Variants in CCZ1B observed in about 807,000 individuals in gnomAD.
The protein encoded by CCZ1B is CCZ1B vacuolar protein trafficking and biogenesis associated.
A neutral mutation model predicts 58.8 loss-of-function variants in CCZ1B; 25 were observed. The ratio of observed to expected loss-of-function variants is 0.43; its 90% CI spans 0.31 to 0.59. CCZ1B has a LOEUF of 0.59. CCZ1B is among the 20% of genes least tolerant of loss of function. CCZ1B has a pLI of 0.12. For missense variants in CCZ1B, 180 were observed against 501.5 expected, an observed-to-expected ratio of 0.36 and a Z score of 6.12; for synonymous variants, 66 against 173.2, an observed-to-expected ratio of 0.38 and a Z score of 4.86.
At position 6,823,419 on chromosome 7, in the gene CCZ1B, A is replaced by G. The variant is rs1337974264; in HGVS notation, c.391-59T>C. The G allele has an allele frequency of 3.4e-5, 54 of 1,593,196 alleles. 2 individuals carry two copies. The South Asian group carries it at 3.9e-4, about 12-fold the overall frequency. On this transcript the variant is annotated intron_variant, in intron 4 of 14. Transcript: ENST00000316731. Reference sequence around the variant, plus strand: ...TCAAGGGAAAAACAATGTCTACTGGATAGATGGCAAAGGTACACTGACTCT... The same window carrying G: ...TCAAGGGAAAAACAATGTCTACTGGGTAGATGGCAAAGGTACACTGACTCT...
In CCZ1B at chr7:6,812,556, A is replaced by C. The variant is rs550608353; in HGVS notation, c.842+420T>G. 1.1e-3 allele frequency: 295 copies of C among 268,352 alleles called. 1 individual carries two copies. The highest frequency in any genetic ancestry group is 2.9e-3 in the South Asian group (68 of 23,096). 16.6% of individuals were successfully genotyped at this position (268,352 alleles called of 1,614,324 possible). A position where few individuals can be genotyped will look rare whatever the true frequency, so the allele number is the denominator to read the frequency against. Reference sequence around the variant, plus strand: ...AAGTAAGTTTTAACTCATTGGAAACAACAAACTTTCCTTTGTTGATTACTG... The same window carrying C: ...AAGTAAGTTTTAACTCATTGGAAACCACAAACTTTCCTTTGTTGATTACTG... On this transcript the variant is annotated intron_variant, in intron 9 of 14. Transcript: ENST00000316731.
chr7:6,823,965 T>C, intron 4 of CCZ1B, 124 bp downstream of exon 4: 1 of 606,090 alleles, frequency 1.6e-6, no homozygotes, highest in Non-Finnish European at 2.9e-6. Context: ...ACATAAACCT[T>C]TGCTATATAC....
intron 6 of CCZ1B, among the ~76,000 whole-genome samples, chr7:6,821,165 C>G (rs1338263024): frequency 6.7e-6 from 1 of 149,596 alleles, no homozygotes; most frequent in Non-Finnish European, 1.5e-5. Flanking sequence ...TGCGCCACCA[C>G]GCCCAGCTAG....
intron 12 of CCZ1B, among the ~76,000 whole-genome samples, chr7:6,801,755 T>C (rs1309463728): frequency 1.9e-5 from 1 of 51,598 alleles, no homozygotes; most frequent in Non-Finnish European, 3.7e-5. Flanking sequence ...TTTGTATTTT[T>C]AGTAGAGACG....
Position 6,819,304 on chromosome 7 carries a change from C to T in CCZ1B, c.698+462G>A, listed in dbSNP as rs13240765. The stretch of plus-strand genomic sequence containing the variant: ...AGGCTGGGGTACAGTGGTGCCATCT[C>T]GGCTCACTGCAACCTCCGCCTCCCG... On this transcript the variant is annotated intron_variant, in intron 7 of 14. Transcript: ENST00000316731. Among the ~76,000 whole-genome samples, 71 of 146,022 alleles carry T rather than the reference C, an allele frequency of 4.9e-4. 4 individuals are homozygous for T. The South Asian group carries it at 9.6e-3, about 20-fold the overall frequency.
chr7:6,819,674 G>A, intron 7 of CCZ1B, 92 bp downstream of exon 7: 3 of 706,506 alleles, frequency 4.2e-6, no homozygotes, highest in South Asian at 3.8e-5. Context: ...CCCGCTGCAA[G>A]TTCCTGTTTG....
chr7:6,808,128 A>C (rs1309881272), intron 10 of CCZ1B, among the ~76,000 whole-genome samples: 11 of 122,326 alleles, frequency 9.0e-5, no homozygotes, highest in Non-Finnish European at 3.5e-5. Context: ...CCAAGCCCGC[A>C]CAGCACCCGC....
chr7:6,812,135 A>T (rs1257098963), intron 9 of CCZ1B, 72 bp from the exon 10 acceptor site: 7 of 1,031,450 alleles, frequency 6.8e-6, no homozygotes, highest in Non-Finnish European at 1.0e-5. Context: ...AACAGAACAC[A>T]CTCCCACTTC....
Position 6,822,468 on chromosome 7 carries a change from A to C in CCZ1B, c.439-104T>G, listed in dbSNP as rs1224819457. 20 of 1,423,096 alleles carry C rather than the reference A, an allele frequency of 1.4e-5. 1 individual carries two copies. Among genetic ancestry groups the C allele is most frequent in the Non-Finnish European group, 1.9e-5 (20 of 1,069,528 alleles). 88.2% of individuals were successfully genotyped at this position (1,423,096 alleles called of 1,614,324 possible). ...TTTAGATTATTAATTCAGCTCATTA[A>C]ATCTCCCAGTTCTTTCCAACAGAGA... On this transcript the variant is annotated intron_variant, in intron 5 of 14. Transcript: ENST00000316731.
chr7:6,804,037 T>C (rs1210512121), intron 12 of CCZ1B, among the ~76,000 whole-genome samples: 1 of 150,020 alleles, frequency 6.7e-6, no homozygotes, highest in East Asian at 2.0e-4. Flanking sequence ...ACTTCTCAAA[T>C]GTGTAGAGAG....
In CCZ1B at chr7:6,809,483, G is replaced by C. The variant is rs145667997; in HGVS notation, c.954+2469C>G. ...CAGCCGACAGCATATTACACACCAGGGTTATGGAGATTTCAGTCATTACCT... is the reference window on the plus strand; with the variant it reads ...CAGCCGACAGCATATTACACACCAGCGTTATGGAGATTTCAGTCATTACCT... On this transcript the variant is annotated intron_variant, in intron 10 of 14. Transcript: ENST00000316731. Among the ~76,000 whole-genome samples the C allele has an allele frequency of 5.3e-3, 773 of 146,350 alleles. 64 individuals are homozygous for C. The highest frequency in any genetic ancestry group is 0.02 in the African/African-American group (732 of 37,378).
intron 10 of CCZ1B, among the ~76,000 whole-genome samples, chr7:6,810,343 G>C (rs1782900138): frequency 1.3e-5 from 2 of 149,100 alleles, no homozygotes; most frequent in South Asian, 2.1e-4. Context: ...ATCTGTGGTT[G>C]ACAGCTTGGC....
chr7:6,801,905 G>A (rs1215631403), intron 12 of CCZ1B, among the ~76,000 whole-genome samples: 1 of 119,610 alleles, frequency 8.4e-6, no homozygotes, highest in Non-Finnish European at 1.8e-5. Context: ...AAGTTTCACG[G>A]GAACCTCGCC....
chr7:6,808,384 C>CAAAAAACCAAA (rs1782864602), intron 10 of CCZ1B, among the ~76,000 whole-genome samples: 1 of 94,610 alleles, frequency 1.1e-5, no homozygotes, highest in Non-Finnish European at 2.2e-5. Context: ...ACCAAAAAAC[C>CAAAAAACCAAA]AAAAAAAAAA....
intron 3 of CCZ1B, 70 bp from the exon 4 acceptor site, chr7:6,824,236 A>G: frequency 1.3e-6 from 2 of 1,550,238 alleles, no homozygotes; most frequent in Non-Finnish European, 1.7e-6. Flanking sequence ...CTTAATTTAA[A>G]AACTTTGAAC....
At chr7:6,818,184 G>C (rs1479702592) in intron 7 of CCZ1B, among the ~76,000 whole-genome samples, 6 of 149,562 alleles carry the variant, frequency 4.0e-5, no homozygotes, top group Non-Finnish European at 7.4e-5. Flanking sequence ...AATTTTAGGG[G>C]AACTAGTTTT....
intron 8 of CCZ1B, 160 bp downstream of exon 8, chr7:6,814,604 G>C (rs1247628127): frequency 1.9e-6 from 1 of 514,510 alleles, no homozygotes; most frequent in Non-Finnish European, 3.4e-6. Flanking sequence ...AGCTGCATGT[G>C]GTTTTCTGTG....
At chr7:6,822,492 G>T in intron 5 of CCZ1B, 128 bp from the exon 6 acceptor site, 1 of 1,387,110 alleles carries the variant, frequency 7.2e-7, no homozygotes, top group Non-Finnish European at 9.5e-7. Context: ...TTCCAACAGA[G>T]AATATTTACG....
At chr7:6,825,011 AT>A (rs534762830) in intron 1 of CCZ1B, among the ~76,000 whole-genome samples, 30 of 150,272 alleles carry the variant, frequency 2.0e-4, no homozygotes, top group African/African-American at 7.2e-4. Context: ...TGATCTCATC[AT>A]TGTGCAAATA....
Sources: allele counts gnomAD v4.1 joint callset (sites outside exome capture counted in the v4.1 genomes callset), GRCh38; gene constraint gnomAD v4.1.1; transcripts MANE v1.5; gene names NCBI Gene and HGNC (gene_info 2026-07-23, HGNC 2026-07-21).